ATOH8: variants seen among roughly 807,000 people sequenced by gnomAD.
ATOH8 encodes the protein atonal bHLH transcription factor 8.
In ATOH8, 9 loss-of-function variants were observed where a neutral mutation model predicts 21.2. The observed-to-expected ratio is 0.42, with a 90% CI of 0.26 to 0.74. The LOEUF (loss-of-function observed/expected upper bound fraction) is 0.74. ATOH8 is among the 30% of genes least tolerant of loss of function. The pLI, the probability that ATOH8 is intolerant of heterozygous loss-of-function variation, is 0.24. For synonymous variants in ATOH8, 253 were observed against 224.0 expected, an observed-to-expected ratio of 1.13 and a Z score of -1.16; for missense variants, 524 against 470.9, an observed-to-expected ratio of 1.11 and a Z score of -1.04.
In ATOH8 at chr2:85,769,953, C is replaced by G. The variant is rs575353561; in HGVS notation, c.960+5771C>G. On this transcript the variant is annotated intron_variant, in intron 2 of 2. Coordinates refer to ENST00000306279, the MANE Select transcript of ATOH8 (RefSeq NM_032827.7). ...GAGCTGTCATAAGTGATTTCTAAGG[C>G]CCTTGCCAAGCCCACCTAAATCCTC... 6.6e-5 allele frequency among the ~76,000 whole-genome samples: 10 copies of G among 152,312 alleles called. 1 individual carries two copies. In the South Asian group the frequency reaches 1.9e-3, roughly 28 times the overall value.
intron 1 of ATOH8, among the ~76,000 whole-genome samples, chr2:85,762,496 A>G (rs1486635805): frequency 6.6e-6 from 1 of 152,182 alleles, no homozygotes; most frequent in East Asian, 1.9e-4. Context: ...CTGCAGACAT[A>G]GGCCTTCCCC....
intron 2 of ATOH8, chr2:85,783,722 TCGCA>T (rs1680556017): frequency 6.6e-6 from 1 of 152,148 alleles, no homozygotes; most frequent in South Asian, 2.1e-4. Context: ...TGTAAGCCTC[TCGCA>T]CTGTGCCCCT....
intron 2 of ATOH8, among the ~76,000 whole-genome samples, chr2:85,768,928 A>G (rs1318818608): frequency 6.6e-6 from 1 of 151,898 alleles, no homozygotes; most frequent in Non-Finnish European, 1.5e-5. Flanking sequence ...GCCTGGAAGG[A>G]CTCTGGGGAG....
intron 1 of ATOH8, among the ~76,000 whole-genome samples, chr2:85,763,110 A>G (rs1346425339): frequency 6.6e-6 from 1 of 152,160 alleles, no homozygotes; most frequent in Admixed American, 6.5e-5. Flanking sequence ...AGTACATCAT[A>G]GGAACAGTGG....
At position 85,776,818 on chromosome 2, in the gene ATOH8, G is replaced by T. The variant is rs181155285; in HGVS notation, c.961-10067G>T. ...TGTTGGGCAGCTCTGGGAGTGAGCC[G>T]TTTGGAGCCCACCTGGAATCTGGAG... is the stretch of plus-strand genomic sequence containing the variant. On this transcript the variant is annotated intron_variant, in intron 2 of 2. Coordinates refer to ENST00000306279, the MANE Select transcript of ATOH8 (RefSeq NM_032827.7). Among the ~76,000 whole-genome samples, 334 of 152,232 alleles carry T rather than the reference G, an allele frequency of 2.2e-3. 1 individual carries two copies. Among genetic ancestry groups the T allele is most frequent in the Non-Finnish European group, 4.1e-3 (278 of 67,998 alleles).
In ATOH8 at chr2:85,784,956, C is replaced by T. The variant is rs117491407; in HGVS notation, c.961-1929C>T. On this transcript the variant is annotated intron_variant, in intron 2 of 2. Coordinates refer to ENST00000306279, the MANE Select transcript of ATOH8 (RefSeq NM_032827.7). ...CGAGGTGGTGGTGGTCCAGTGTAGA[C>T]GCCAGGAAAAGGGTGAGGTCGAGAA... Among the ~76,000 whole-genome samples, 9 of 152,258 alleles carry T rather than the reference C, an allele frequency of 5.9e-5. No individual in the cohort carries two copies. The East Asian group carries it at 1.7e-3, about 29-fold the overall frequency.
chr2:85,765,345 C>G (rs781509854), intron 2 of ATOH8, among the ~76,000 whole-genome samples: 1 of 152,212 alleles, frequency 6.6e-6, no homozygotes, highest in East Asian at 1.9e-4. Context: ...TCCCGGAGGT[C>G]CCCCACGGAC....
At chr2:85,772,506 G>A (rs939143516) in intron 2 of ATOH8, 1 of 345,326 alleles carries the variant, frequency 2.9e-6, no homozygotes, top group South Asian at 2.2e-5. Flanking sequence ...GAAAGCACGC[G>A]AGCTGGAAGC....
intron 2 of ATOH8, among the ~76,000 whole-genome samples, chr2:85,781,641 T>C (rs1305538152): frequency 1.3e-5 from 2 of 152,006 alleles, no homozygotes; most frequent in African/African-American, 4.8e-5. Flanking sequence ...TTTGGGAGGC[T>C]GAGGTTGGAG....
intron 2 of ATOH8, among the ~76,000 whole-genome samples, chr2:85,771,290 CCT>C (rs1394101971): frequency 1.4e-4 from 21 of 152,290 alleles, no homozygotes; most frequent in Admixed American, 1.4e-3. Flanking sequence ...TGTTATTTGA[CCT>C]CTCTGATCCC....
Position 85,786,982 on chromosome 2 carries a change from T to C in ATOH8, c.*92T>C. On this transcript the variant is annotated 3_prime_UTR_variant, in exon 3 of 3. Coordinates refer to ENST00000306279, the MANE Select transcript of ATOH8 (RefSeq NM_032827.7). ...GAGCTCGCTGAGTCCAGCCTCGTGG[T>C]CTTCTCCAAGATGCCGCCAGATGCC... 6.4e-7 allele frequency: 1 copy of C among 1,569,268 alleles called. No homozygotes were observed. Among genetic ancestry groups the C allele is most frequent in the Non-Finnish European group, 8.7e-7 (1 of 1,144,154 alleles).
At position 85,765,869 on chromosome 2, in the gene ATOH8, G is replaced by T. The variant is rs146313845; in HGVS notation, c.960+1687G>T. Among the ~76,000 whole-genome samples, 5 of 152,270 alleles carry T rather than the reference G, an allele frequency of 3.3e-5. No homozygotes were observed. The East Asian group carries it at 9.7e-4, about 29-fold the overall frequency. On this transcript the variant is annotated intron_variant, in intron 2 of 2. Transcript: ENST00000306279. ...GAGGCCCGACAGAGCCGAGCTTTTGGCTTCCCCTGAAATCACCTCAAATCT... is the reference window on the plus strand; with the variant it reads ...GAGGCCCGACAGAGCCGAGCTTTTGTCTTCCCCTGAAATCACCTCAAATCT...
chr2:85,758,330 C>T (rs1356774723), intron 1 of ATOH8, among the ~76,000 whole-genome samples: 1 of 152,218 alleles, frequency 6.6e-6, no homozygotes, highest in Non-Finnish European at 1.5e-5. Context: ...TTTCAGAGAG[C>T]TTATGTAAGT....
Position 85,766,462 on chromosome 2 carries a change from C to A in ATOH8, c.960+2280C>A, listed in dbSNP as rs1192298188. 6.6e-6 allele frequency among the ~76,000 whole-genome samples: 1 copy of A among 152,050 alleles called. No individual in the cohort carries two copies. The highest frequency in any genetic ancestry group is 6.5e-5 in the Admixed American group (1 of 15,284). On this transcript the variant is annotated intron_variant, in intron 2 of 2. Coordinates refer to ENST00000306279, the MANE Select transcript of ATOH8 (RefSeq NM_032827.7). The surrounding 1 kb of genome is among the most constrained non-coding windows in gnomAD (Gnocchi z 4.0). ...GGTCTGTATGTCTTTGCCCTAATGA[C>A]CTTCATGGTCTCGCAGACTCACATC... is the stretch of plus-strand genomic sequence containing the variant.
intron 2 of ATOH8, among the ~76,000 whole-genome samples, chr2:85,779,160 G>A (rs1680416009): frequency 6.6e-6 from 1 of 152,262 alleles, no homozygotes; most frequent in South Asian, 2.1e-4. Flanking sequence ...TTGAGCTGCT[G>A]GCATCTGGAA....
intron 2 of ATOH8, chr2:85,780,536 C>T (rs1680455284): frequency 6.6e-6 from 1 of 152,394 alleles, no homozygotes; most frequent in East Asian, 1.9e-4. Flanking sequence ...CCCCTCCTCT[C>T]TGGTGAGCAG....
chr2:85,787,153 A>G lies in ATOH8; in HGVS notation c.*263A>G. The G allele has an allele frequency of 4.0e-6, 2 of 495,672 alleles. No individual in the cohort carries two copies. Among genetic ancestry groups the G allele is most frequent in the African/African-American group, 1.9e-5 (1 of 51,308 alleles). 30.7% of individuals were successfully genotyped at this position (495,672 alleles called of 1,614,324 possible). On this transcript the variant is annotated 3_prime_UTR_variant, in exon 3 of 3. Transcript: ENST00000306279. ...TCAGCCCCCGACTCACTCAGACCCCAAGGCCCACTGTCCAGCTGCAGAAAT... is the reference window on the plus strand; with the variant it reads ...TCAGCCCCCGACTCACTCAGACCCCGAGGCCCACTGTCCAGCTGCAGAAAT...
At chr2:85,770,042 G>A (rs976603688) in intron 2 of ATOH8, among the ~76,000 whole-genome samples, 4 of 152,214 alleles carry the variant, frequency 2.6e-5, no homozygotes, top group Non-Finnish European at 5.9e-5. Context: ...TTTGAAAGTC[G>A]CTCCTAGAGA....
rs1192582576 is a variant in ATOH8 at position 85,787,931 on chromosome 2, A to C, written c.*1041A>C. On this transcript the variant is annotated 3_prime_UTR_variant, in exon 3 of 3. Transcript: ENST00000306279. Reference sequence around the variant, plus strand: ...AAGGAAGGGACCAGGGGACTGGGCCAGTATGTGGAGGATGGGGCCTGCGTG... The same window carrying C: ...AAGGAAGGGACCAGGGGACTGGGCCCGTATGTGGAGGATGGGGCCTGCGTG... 1 of 152,938 alleles carries C rather than the reference A, an allele frequency of 6.5e-6. No individual in the cohort carries two copies. Among genetic ancestry groups the C allele is most frequent in the South Asian group, 2.1e-4 (1 of 4,834 alleles). The allele number at this position is 152,938 out of a possible 1,614,324, so 9.5% of individuals were successfully genotyped here.
Sources: allele counts gnomAD v4.1 joint callset (sites outside exome capture counted in the v4.1 genomes callset), GRCh38; gene constraint gnomAD v4.1.1; non-coding constraint Gnocchi (gnomAD v3.1); transcripts MANE v1.5; gene names NCBI Gene and HGNC (gene_info 2026-07-23, HGNC 2026-07-21).